Variants in GRP observed in about 807,000 individuals in gnomAD.
GRP encodes gastrin-releasing peptide.
In GRP, 11 loss-of-function variants were observed where a neutral mutation model predicts 12.7. That is an observed-to-expected ratio of 0.87 (90% CI 0.55 to 1.44). The LOEUF is 1.44. Among genes scored for constraint, GRP ranks in the 40% most tolerant of loss-of-function variants. The probability of loss-of-function intolerance (pLI) is 0.00; values close to 1 mark genes in which losing one functional copy is unlikely to be tolerated. For synonymous variants in GRP, 84 were observed against 77.7 expected (o/e 1.08, Z -0.43); for missense variants, 212 against 185.4 (o/e 1.14, Z -0.83).
intron 1 of GRP, 91 bp downstream of exon 1, chr18:59,220,495 C>T (rs2069813570): frequency 8.6e-7 from 1 of 1,168,194 alleles, no homozygotes; most frequent in Admixed American, 4.0e-5. Flanking sequence ...TTGCGTTTCC[C>T]TGGCCCAGCT....
rs765033630 is a variant in GRP at position 59,220,400 on chromosome 18, G to C, written c.135G>C (p.Ala45=). The stretch of plus-strand genomic sequence containing the variant: ...TGTACCCGCGCGGCAACCACTGGGC[G>C]GTGGGTGAGTGTCCTGGCCGCGGGA... ...TKMYPRGNHW[A]VGHLMGKKST... Residue 45 remains alanine, a synonymous_variant, in exon 1 of 3, where the codon GCG becomes GCC. Coordinates refer to ENST00000256857, the MANE Select transcript of GRP (RefSeq NM_002091.5). 1.5e-6 allele frequency: 2 copies of C among 1,376,606 alleles called. No homozygotes were observed. Among genetic ancestry groups the C allele is most frequent in the South Asian group, 1.7e-5 (1 of 60,042 alleles). 85.3% of individuals were successfully genotyped at this position (1,376,606 alleles called of 1,614,324 possible). A position where few individuals can be genotyped will look rare whatever the true frequency, so the allele number is the denominator to read the frequency against.
At chr18:59,225,998 A>ATT (rs111829282) in intron 2 of GRP, among the ~76,000 whole-genome samples, 4 of 149,720 alleles carry the variant, frequency 2.7e-5, no homozygotes, top group African/African-American at 7.3e-5. Context: ...CATTGATGGG[A>ATT]TTTTTTTTTT....
rs1242120837 is a variant in GRP, at chr18:59,220,323, C to CG, written c.63dup (p.Arg22AlafsTer42). The stretch of plus-strand genomic sequence containing the variant: ...GGCGCTGGTCCTCTGCCTGGCGCCC[C>CG]GGGGGCGAGCGGTCCCGCTGCCTGC... On this transcript the variant is annotated frameshift_variant, in exon 1 of 3. Coordinates refer to ENST00000256857, the MANE Select transcript of GRP (RefSeq NM_002091.5). LOFTEE classifies it high-confidence loss of function. The CG allele has an allele frequency of 5.3e-6, 8 of 1,496,240 alleles. No homozygotes were observed. The highest frequency in any genetic ancestry group is 2.7e-5 in the East Asian group (1 of 36,628). The allele number at this position is 1,496,240 out of a possible 1,614,324, so 92.7% of individuals were successfully genotyped here.
At chr18:59,227,456 TTC>T (rs2069961992) in intron 2 of GRP, among the ~76,000 whole-genome samples, 1 of 152,200 alleles carries the variant, frequency 6.6e-6, no homozygotes, top group Non-Finnish European at 1.5e-5. Context: ...TGCAGGTGAC[TTC>T]TCAGATTCTA....
Position 59,220,369 on chromosome 18 carries a change from C to T in GRP, c.104C>T (p.Thr35Ile). The T allele has an allele frequency of 7.0e-7, 1 of 1,432,044 alleles. No individual in the cohort carries two copies. Among genetic ancestry groups the T allele is most frequent in the Non-Finnish European group, 9.1e-7 (1 of 1,093,348 alleles). 88.7% of individuals were successfully genotyped at this position (1,432,044 alleles called of 1,614,324 possible). Residue 35 changes from threonine to isoleucine, a missense_variant, in exon 1 of 3, where the codon ACC becomes ATC. Coordinates refer to ENST00000256857, the MANE Select transcript of GRP (RefSeq NM_002091.5). The part of the protein sequence containing the change: ...PLPAGGGTVL[T>I]KMYPRGNHWA... ...CCTGCGGGCGGAGGGACCGTGCTGACCAAGATGTACCCGCGCGGCAACCAC... is the reference window on the plus strand; with the variant it reads ...CCTGCGGGCGGAGGGACCGTGCTGATCAAGATGTACCCGCGCGGCAACCAC...
upstream of GRP, among the ~76,000 whole-genome samples, chr18:59,219,532 A>G (rs1183724470): frequency 1.2e-4 from 2 of 17,052 alleles, no homozygotes; most frequent in Non-Finnish European, 2.1e-4. Flanking sequence ...AGGAGGGGAG[A>G]GGAGGGGAAG....
chr18:59,228,767 T>G (rs2069983612), intron 2 of GRP, among the ~76,000 whole-genome samples: 1 of 152,242 alleles, frequency 6.6e-6, no homozygotes, highest in South Asian at 2.1e-4. Context: ...GTTCTGTTTC[T>G]GCAACATGAA....
chr18:59,222,914 T>C (rs1206790495), intron 1 of GRP, among the ~76,000 whole-genome samples: 1 of 152,206 alleles, frequency 6.6e-6, no homozygotes, highest in Admixed American at 6.5e-5. Flanking sequence ...ACCCATGAAA[T>C]GCTCCTAACT....
At chr18:59,221,476 C>T (rs957978879) in intron 1 of GRP, among the ~76,000 whole-genome samples, 1 of 152,166 alleles carries the variant, frequency 6.6e-6, no homozygotes. Context: ...CTCACTCCCC[C>T]ACCTACCCGC....
At chr18:59,229,026 C>T (rs1488252602) in intron 2 of GRP, among the ~76,000 whole-genome samples, 1 of 152,230 alleles carries the variant, frequency 6.6e-6, no homozygotes, top group Non-Finnish European at 1.5e-5. Context: ...TAAGGGACTG[C>T]TCTCACTGTC....
At chr18:59,227,020 T>TCTTTCTTTCTTTCTTC (rs1603384255) in intron 2 of GRP, among the ~76,000 whole-genome samples, 6 of 142,030 alleles carry the variant, frequency 4.2e-5, no homozygotes, top group South Asian at 4.4e-4. Context: ...TTTCTTTCTT[T>TCTTTCTTTCTTTCTTC]CTTTCTTTCT....
Position 59,230,431 on chromosome 18 carries a change from A to T in GRP, c.410A>T (p.Gln137Leu). The T allele has an allele frequency of 6.2e-7, 1 of 1,601,802 alleles. No individual in the cohort carries two copies. The highest frequency in any genetic ancestry group is 8.6e-7 in the Non-Finnish European group (1 of 1,168,858). The change falls in exon 3 of 3, where the codon CAA becomes CTA. Residue 137 changes from glutamine to leucine, a missense_variant. Transcript: ENST00000256857. Reference protein sequence around the residue: ...KVGRLSAPGSQREGRNPQLNQ... With the variant: ...KVGRLSAPGSLREGRNPQLNQ... ...GGTAGACTCTCTGCTCCAGGTTCTCAACGTGAAGGAAGGAACCCCCAGCTG... is the reference window on the plus strand; with the variant it reads ...GGTAGACTCTCTGCTCCAGGTTCTCTACGTGAAGGAAGGAACCCCCAGCTG...
chr18:59,226,992 C>CTTT (rs2069934242), intron 2 of GRP, among the ~76,000 whole-genome samples: 13 of 107,888 alleles, frequency 1.2e-4, no homozygotes, highest in South Asian at 6.3e-4. Flanking sequence ...TTCTTTTCTT[C>CTTT]CTTTCTTTCT....
At chr18:59,219,786 C>A (rs1401140466), upstream of GRP, among the ~76,000 whole-genome samples, 1 of 152,122 alleles carries the variant, frequency 6.6e-6, no homozygotes, top group Non-Finnish European at 1.5e-5. Context: ...CAGCTACACC[C>A]CCCACCCCTC....
upstream of GRP, among the ~76,000 whole-genome samples, chr18:59,219,783 A>AC (rs1449213163): frequency 6.6e-6 from 1 of 151,450 alleles, no homozygotes; most frequent in Admixed American, 6.6e-5. Flanking sequence ...CTCCAGCTAC[A>AC]CCCCCCACCC....
rs2144092715 is a variant in GRP, at chr18:59,220,187, A to G, written c.-79A>G. The stretch of plus-strand genomic sequence containing the variant: ...GTAGCACCAGCGGCTGCGGCGGCGG[A>G]GCTCCTCCGAGGTCCGGGTCACCAG... On this transcript the variant is annotated 5_prime_UTR_variant, in exon 1 of 3. Transcript: ENST00000256857. The G allele has an allele frequency of 1.9e-6, 2 of 1,034,196 alleles. No individual in the cohort carries two copies. The highest frequency in any genetic ancestry group is 2.5e-6 in the Non-Finnish European group (2 of 812,164). 64.1% of individuals were successfully genotyped at this position (1,034,196 alleles called of 1,614,324 possible).
chr18:59,230,507 T>A lies in GRP; in HGVS notation c.*39T>A. On this transcript the variant is annotated 3_prime_UTR_variant, in exon 3 of 3. Transcript: ENST00000256857. The stretch of plus-strand genomic sequence containing the variant: ...TCTCAAAAGAGAAAAACAAAACCCC[T>A]AAGAGACTGCGTTCTGCAAGCATCA... The A allele has an allele frequency of 9.3e-7, 1 of 1,078,658 alleles. No homozygotes were observed. Among genetic ancestry groups the A allele is most frequent in the Non-Finnish European group, 1.4e-6 (1 of 690,912 alleles). The allele number at this position is 1,078,658 out of a possible 1,614,324, so 66.8% of individuals were successfully genotyped here.
Position 59,230,410 on chromosome 18 carries a change from G to T in GRP, c.389G>T (p.Arg130Ile). ...KDVGSKGKVG[R>I]LSAPGSQREG... ...CTTTCTAATATTTCTTAAGTTGGTAGACTCTCTGCTCCAGGTTCTCAACGT... is the reference window on the plus strand; with the variant it reads ...CTTTCTAATATTTCTTAAGTTGGTATACTCTCTGCTCCAGGTTCTCAACGT... The change falls in exon 3 of 3, where the codon AGA becomes ATA. Residue 130 changes from arginine to isoleucine, a missense_variant. Arg to Ile is a moderately conservative substitution (Grantham distance 97, BLOSUM62 -3). Coordinates refer to ENST00000256857, the MANE Select transcript of GRP (RefSeq NM_002091.5). 1 of 1,569,996 alleles carries T rather than the reference G, an allele frequency of 6.4e-7. No homozygotes were observed. The highest frequency in any genetic ancestry group is 1.1e-5 in the South Asian group (1 of 90,136).
intron 1 of GRP, among the ~76,000 whole-genome samples, chr18:59,223,614 C>T (rs1211601113): frequency 6.6e-6 from 1 of 152,180 alleles, no homozygotes; most frequent in African/African-American, 2.4e-5. Flanking sequence ...TTTCTCATTT[C>T]CAGCATTCTA....
Sources: allele counts gnomAD v4.1 joint callset (sites outside exome capture counted in the v4.1 genomes callset), GRCh38; gene constraint gnomAD v4.1.1; transcripts MANE v1.5; gene names NCBI Gene and HGNC (gene_info 2026-07-23, HGNC 2026-07-21).